MGRN1: variants seen among roughly 807,000 people sequenced by gnomAD.
MGRN1 encodes the protein mahogunin ring finger 1, also known as E3 ubiquitin-protein ligase MGRN1.
MGRN1 carries 29 observed loss-of-function variants against 69.2 expected under a neutral mutation model. The ratio of observed to expected loss-of-function variants is 0.42; its 90% CI spans 0.31 to 0.57. The LOEUF is 0.57. Ranked by LOEUF, MGRN1 falls within the 20% of genes least tolerant of loss-of-function variation. The probability of loss-of-function intolerance (pLI) is 0.15; values close to 1 mark genes in which losing one functional copy is unlikely to be tolerated. For synonymous variants in MGRN1, 470 were observed against 344.2 expected (o/e 1.37, Z -4.04); for missense variants, 998 against 796.2 (o/e 1.25, Z -3.05).
At chr16:4,633,580 A>C (rs1898118291) in intron 1 of MGRN1, 1 of 150,598 alleles carries the variant, frequency 6.6e-6, no homozygotes, top group African/African-American at 2.4e-5. Context: ...AATCCCAGCT[A>C]CTCGGGAGGC....
intron 16 of MGRN1, chr16:4,687,714 C>T: frequency 1.0e-6 from 1 of 985,470 alleles, no homozygotes; most frequent in Non-Finnish European, 1.2e-6. Flanking sequence ...CTGCGTGCAG[C>T]TCTGGTCTGC....
intron 1 of MGRN1, among the ~76,000 whole-genome samples, chr16:4,634,076 G>A (rs755927775): frequency 2.6e-5 from 4 of 152,200 alleles, no homozygotes; most frequent in Admixed American, 6.5e-5. Context: ...GGCGTGTGGT[G>A]GGAGGAGCAC....
chr16:4,670,633 T>C (rs974179847), intron 8 of MGRN1, among the ~76,000 whole-genome samples: 3 of 152,246 alleles, frequency 2.0e-5, no homozygotes, highest in Non-Finnish European at 4.4e-5. Flanking sequence ...GGCAGGAGGA[T>C]TGCTTGAGCC....
At chr16:4,626,132 G>A (rs972139072) in intron 1 of MGRN1, among the ~76,000 whole-genome samples, 1 of 152,244 alleles carries the variant, frequency 6.6e-6, no homozygotes, top group Non-Finnish European at 1.5e-5. Flanking sequence ...CTCTGCCCAG[G>A]TTTTGTAAGG....
At chr16:4,625,188 C>T (rs1897606247) in intron 1 of MGRN1, 140 bp downstream of exon 1, 1 of 798,910 alleles carries the variant, frequency 1.3e-6, no homozygotes, top group Non-Finnish European at 1.8e-6. Context: ...TTCGCGCGGC[C>T]CCACGGCCCC....
intron 1 of MGRN1, among the ~76,000 whole-genome samples, chr16:4,635,873 T>G (rs1314233919): frequency 6.7e-6 from 1 of 149,208 alleles, no homozygotes; most frequent in Non-Finnish European, 1.5e-5. Context: ...GGTCTTGAAC[T>G]CCTGACCTTG....
At chr16:4,630,966 G>A (rs1161606956) in intron 1 of MGRN1, among the ~76,000 whole-genome samples, 2 of 151,850 alleles carry the variant, frequency 1.3e-5, no homozygotes, top group Non-Finnish European at 2.9e-5. Context: ...CTATGTATGT[G>A]TACCACTATG....
At chr16:4,626,843 C>G (rs1020796508) in intron 1 of MGRN1, among the ~76,000 whole-genome samples, 8 of 152,226 alleles carry the variant, frequency 5.3e-5, no homozygotes, top group African/African-American at 1.9e-4. Flanking sequence ...GGCACTGGCA[C>G]CCAGGTGCAA....
At position 4,662,026 on chromosome 16, in the gene MGRN1, C is replaced by T. The variant is rs376763995; in HGVS notation, c.562-2683C>T. On this transcript the variant is annotated intron_variant, in intron 5 of 16. Transcript: ENST00000262370. The stretch of plus-strand genomic sequence containing the variant: ...ACGCCAGGGTGCTGCCAGCCTTTGC[C>T]GTGTGTCCATGTCCACATAGCCTCC... 1.4e-4 allele frequency among the ~76,000 whole-genome samples: 22 copies of T among 152,212 alleles called. No individual in the cohort carries two copies. In the South Asian group the frequency reaches 2.3e-3, roughly 16 times the overall value.
At chr16:4,662,598 G>A (rs996162304) in intron 5 of MGRN1, among the ~76,000 whole-genome samples, 5 of 152,092 alleles carry the variant, frequency 3.3e-5, no homozygotes, top group Middle Eastern at 3.5e-3. Flanking sequence ...TGGGTCTGTC[G>A]AGAGGACTTC....
intron 12 of MGRN1, among the ~76,000 whole-genome samples, chr16:4,680,858 C>T (rs780513058): frequency 3.0e-4 from 46 of 152,338 alleles, no homozygotes; most frequent in South Asian, 8.3e-4. Flanking sequence ...CTTTCCCCTT[C>T]CTTCCAGGAG....
chr16:4,677,659 AG>A (rs2079082419), intron 11 of MGRN1, 87 bp downstream of exon 11: 1 of 1,282,184 alleles, frequency 7.8e-7, no homozygotes, highest in African/African-American at 1.5e-5. Flanking sequence ...TCCAGCCAGC[AG>A]CCCCGTGTTC....
chr16:4,635,697 C>T (rs988705291), intron 1 of MGRN1, among the ~76,000 whole-genome samples: 1 of 149,494 alleles, frequency 6.7e-6, no homozygotes, highest in Admixed American at 6.7e-5. Flanking sequence ...TGCAGTGGCG[C>T]AATATTGGCT....
At chr16:4,674,018 G>C (rs1384871436) in intron 10 of MGRN1, among the ~76,000 whole-genome samples, 1 of 152,142 alleles carries the variant, frequency 6.6e-6, no homozygotes, top group Non-Finnish European at 1.5e-5. Context: ...ACAGTTTCGT[G>C]CTGTCGCCCA....
chr16:4,683,512 T>G (rs2079237041), intron 15 of MGRN1, among the ~76,000 whole-genome samples: 1 of 151,664 alleles, frequency 6.6e-6, no homozygotes, highest in African/African-American at 2.4e-5. Context: ...CCTGCCAGCA[T>G]TCAGTCCTGG....
chr16:4,668,745 C>T (rs1369393283), intron 8 of MGRN1, among the ~76,000 whole-genome samples: 1 of 137,986 alleles, frequency 7.2e-6, no homozygotes, highest in African/African-American at 2.7e-5. Context: ...CATACTGATA[C>T]ACACACATAT....
rs956321729 is a variant in MGRN1 at position 4,624,909 on chromosome 16, G to C, written c.-52G>C. 6.8e-6 allele frequency: 10 copies of C among 1,461,250 alleles called. No homozygotes were observed. In the African/African-American group the frequency reaches 1.2e-4, roughly 17 times the overall value. 90.5% of individuals were successfully genotyped at this position (1,461,250 alleles called of 1,614,324 possible). On this transcript the variant is annotated 5_prime_UTR_variant, in exon 1 of 17. Coordinates refer to ENST00000262370, the MANE Select transcript of MGRN1 (RefSeq NM_015246.4). ...ATGTCCGCGTGAGGACCCCGCCGCT[G>C]TCGCCGCTCCCGTTCCGGCCCTGGC...
At chr16:4,677,178 C>T (rs1373674791) in intron 10 of MGRN1, 1 of 315,514 alleles carries the variant, frequency 3.2e-6, no homozygotes, top group African/African-American at 2.2e-5. Flanking sequence ...GGGGCCATTT[C>T]ATTAATACTG....
At chr16:4,667,670 GTGT>G (rs946668142) in intron 7 of MGRN1, among the ~76,000 whole-genome samples, 2 of 152,188 alleles carry the variant, frequency 1.3e-5, no homozygotes, top group Non-Finnish European at 2.9e-5. Flanking sequence ...GGGATAATGA[GTGT>G]TGTTGCGAGG....
Sources: allele counts gnomAD v4.1 joint callset (sites outside exome capture counted in the v4.1 genomes callset), GRCh38; gene constraint gnomAD v4.1.1; transcripts MANE v1.5; gene names NCBI Gene and HGNC (gene_info 2026-07-23, HGNC 2026-07-21).